KIF21A: variants seen among roughly 807,000 people sequenced by gnomAD.
KIF21A encodes kinesin-like protein KIF21A.
A neutral mutation model predicts 202.9 loss-of-function variants in KIF21A; 114 were observed. The ratio of observed to expected loss-of-function variants is 0.56; its 90% CI spans 0.48 to 0.66. The LOEUF (loss-of-function observed/expected upper bound fraction) is 0.66. KIF21A is among the 30% of genes least tolerant of loss of function. The pLI, the probability that KIF21A is intolerant of heterozygous loss-of-function variation, is 0.00. For synonymous variants in KIF21A, 667 were observed against 670.8 expected (o/e 0.99, Z 0.09); for missense variants, 1,677 against 1,994.9 (o/e 0.84, Z 3.04).
chr12:39,372,148 T>C (rs1408206302), intron 1 of KIF21A, among the ~76,000 whole-genome samples: 1 of 151,918 alleles, frequency 6.6e-6, no homozygotes, highest in East Asian at 1.9e-4. Flanking sequence ...CTCTTTCCAG[T>C]TCATTAAAAT....
intron 1 of KIF21A, among the ~76,000 whole-genome samples, chr12:39,419,979 G>A (rs921503077): frequency 6.6e-6 from 1 of 150,712 alleles, no homozygotes; most frequent in African/African-American, 2.4e-5. Context: ...TGAGAGTTCT[G>A]GGAAAATCTG....
At chr12:39,440,977 G>A (rs940093607) in intron 1 of KIF21A, among the ~76,000 whole-genome samples, 1 of 151,668 alleles carries the variant, frequency 6.6e-6, no homozygotes, top group Admixed American at 6.6e-5. Flanking sequence ...ATGGCACCAC[G>A]ACACTCTAGC....
At chr12:39,306,522 G>A (rs911027668) in intron 34 of KIF21A, among the ~76,000 whole-genome samples, 1 of 151,988 alleles carries the variant, frequency 6.6e-6, no homozygotes, top group Non-Finnish European at 1.5e-5. Context: ...TATTTTGCCA[G>A]TCATACTTTA....
intron 24 of KIF21A, among the ~76,000 whole-genome samples, chr12:39,328,994 A>T (rs1484866985): frequency 1.3e-5 from 2 of 152,260 alleles, no homozygotes; most frequent in Admixed American, 1.3e-4. Context: ...TCAGTAGGGC[A>T]TCAAGTCCAT....
At chr12:39,331,597 T>C (rs1190329807) in intron 22 of KIF21A, 93 bp downstream of exon 22, 6 of 853,506 alleles carry the variant, frequency 7.0e-6, no homozygotes, top group African/African-American at 6.6e-5. Context: ...TTCTTCCTTA[T>C]TACAAAGCAA....
At chr12:39,349,581 C>T (rs1948196779) in intron 11 of KIF21A, among the ~76,000 whole-genome samples, 1 of 152,022 alleles carries the variant, frequency 6.6e-6, no homozygotes, top group Non-Finnish European at 1.5e-5. Flanking sequence ...TTATTGTATG[C>T]TGGTTCTTTA....
intron 1 of KIF21A, among the ~76,000 whole-genome samples, chr12:39,418,950 C>A (rs775235564): frequency 1.2e-4 from 18 of 152,186 alleles, no homozygotes; most frequent in Non-Finnish European, 2.5e-4. Context: ...TGTTCAATTA[C>A]AGTTTCTCAA....
chr12:39,299,851 CAG>C (rs1380475366), intron 37 of KIF21A, among the ~76,000 whole-genome samples: 1 of 152,010 alleles, frequency 6.6e-6, no homozygotes, highest in Non-Finnish European at 1.5e-5. Flanking sequence ...AATGCAGAAA[CAG>C]AGAACCAAAT....
At chr12:39,428,513 C>A (rs1954936276) in intron 1 of KIF21A, among the ~76,000 whole-genome samples, 1 of 152,090 alleles carries the variant, frequency 6.6e-6, no homozygotes, top group Non-Finnish European at 1.5e-5. Context: ...AACAGAGTCA[C>A]AAATAATTGT....
At position 39,416,504 on chromosome 12, in the gene KIF21A, G is replaced by A. The variant is rs1016409051; in HGVS notation, c.44+26423C>T. Among the ~76,000 whole-genome samples, 11 of 151,690 alleles carry A rather than the reference G, an allele frequency of 7.3e-5. No homozygotes were observed. In the South Asian group the frequency reaches 1.7e-3, roughly 23 times the overall value. ...CCAGCTACTCAGGAGGCCGAGGCAG[G>A]AGAATCGCTTGAACCCGGGAGGTGG... On this transcript the variant is annotated intron_variant, in intron 1 of 37. Transcript: ENST00000361418.
intron 1 of KIF21A, among the ~76,000 whole-genome samples, chr12:39,384,976 T>A (rs1273593524): frequency 1.3e-5 from 2 of 152,120 alleles, no homozygotes; most frequent in Non-Finnish European, 2.9e-5. Context: ...ACTTGAAAAC[T>A]ACCAGGAGAA....
intron 10 of KIF21A, among the ~76,000 whole-genome samples, chr12:39,354,215 TTAAA>T (rs1220239969): frequency 1.3e-5 from 2 of 152,104 alleles, no homozygotes; most frequent in South Asian, 2.1e-4. Flanking sequence ...CAGCACAGAG[TTAAA>T]TAAGTGAATT....
chr12:39,340,248 C>A lies in KIF21A; in HGVS notation c.2227G>T (p.Ala743Ser). Reference protein sequence around the residue: ...QRLQAAQKEHARLLKNQSQYE... With the variant: ...QRLQAAQKEHSRLLKNQSQYE... Reference sequence around the variant, plus strand: ...TGAGACTGATTTTTAAGCAACCTTGCATGTTCTTTTTGAGCTGCTTGAAGT... The same window carrying A: ...TGAGACTGATTTTTAAGCAACCTTGAATGTTCTTTTTGAGCTGCTTGAAGT... Residue 743 changes from alanine (A) to serine (S), a missense_variant, in exon 16 of 38, where the codon GCA (alanine) becomes TCA (serine). Physicochemically the swap from Ala to Ser is moderately conservative, Grantham distance 99. Coordinates refer to ENST00000361418, the MANE Select transcript of KIF21A (RefSeq NM_001173464.2). 6.2e-7 allele frequency: 1 copy of A among 1,613,238 alleles called. No individual in the cohort carries two copies. The highest frequency in any genetic ancestry group is 8.5e-7 in the Non-Finnish European group (1 of 1,179,614).
Position 39,358,352 on chromosome 12 carries a change from A to T in KIF21A, c.1041T>A (p.Cys347Ter). The T allele has an allele frequency of 6.2e-7, 1 of 1,614,114 alleles. No individual in the cohort carries two copies. Among genetic ancestry groups the T allele is most frequent in the Non-Finnish European group, 8.5e-7 (1 of 1,179,962 alleles). Residue 347 changes from cysteine to a stop codon, truncating the protein, a stop_gained, in exon 8 of 38, where the codon TGT becomes TGA. Coordinates refer to ENST00000361418, the MANE Select transcript of KIF21A (RefSeq NM_001173464.2). LOFTEE classifies it high-confidence loss of function. Reference sequence around the variant, plus strand: ...TAAAGTCTCTGTCTGAAGGGCTGACACATGCTATCATGATTGTTTGGCTGA... The same window carrying T: ...TAAAGTCTCTGTCTGAAGGGCTGACTCATGCTATCATGATTGTTTGGCTGA... ...GGNSQTIMIA[C>*]VSPSDRDFME...
chr12:39,365,692 G>T (rs1410747550), intron 6 of KIF21A, among the ~76,000 whole-genome samples: 1 of 152,180 alleles, frequency 6.6e-6, no homozygotes, highest in African/African-American at 2.4e-5. Context: ...TACTTTGAAG[G>T]TCTTCACCCA....
chr12:39,441,660 T>TAAAAAAAAAAAAAAAA (rs56245570), intron 1 of KIF21A, among the ~76,000 whole-genome samples: 620 of 37,718 alleles, frequency 0.016, 149 homozygotes, highest in African/African-American at 0.053. Flanking sequence ...CCCTGGGTGG[T>TAAAAAAAAAAAAAAAA]AAAAAAAAAA....
intron 1 of KIF21A, among the ~76,000 whole-genome samples, chr12:39,430,041 A>T (rs1937642289): frequency 6.6e-6 from 1 of 152,164 alleles, no homozygotes; most frequent in Non-Finnish European, 1.5e-5. Context: ...CTGAACTCAA[A>T]TATTTGTGAT....
chr12:39,386,778 T>C lies in KIF21A; in HGVS notation c.45-16517A>G, dbSNP rs1335066062. ...AGTCCACACCACATACAGCTTGAAATCTAAGTTGACTTTACCATGGGGCTT... is the reference window on the plus strand; with the variant it reads ...AGTCCACACCACATACAGCTTGAAACCTAAGTTGACTTTACCATGGGGCTT... On this transcript the variant is annotated intron_variant, in intron 1 of 37. Transcript: ENST00000361418. Among the ~76,000 whole-genome samples the C allele has an allele frequency of 4.6e-5, 7 of 152,254 alleles. No individual in the cohort carries two copies. In the East Asian group the frequency reaches 1.4e-3, roughly 29 times the overall value.
Position 39,332,956 on chromosome 12 carries a change from T to C in KIF21A, c.2639A>G (p.Gln880Arg). ...ETDASRTGAQ[Q>R]KMRIPVARVQ... ...TCTCGCCACAGGAATTCTCATTTTC[T>C]GCTGGGCTCCTGTCCTTGATGCATC... Residue 880 changes from glutamine (Q) to arginine (R), a missense_variant, in exon 19 of 38, where the codon CAG becomes CGG. Coordinates refer to ENST00000361418, the MANE Select transcript of KIF21A (RefSeq NM_001173464.2). 3.7e-6 allele frequency: 6 copies of C among 1,614,184 alleles called. No individual in the cohort carries two copies. The highest frequency in any genetic ancestry group is 3.3e-4 in the Middle Eastern group (2 of 6,062).
Sources: gnomAD v4.1 joint callset for allele counts (sites outside exome capture counted in the v4.1 genomes callset) on GRCh38, gnomAD v4.1.1 for gene constraint, MANE v1.5 for transcripts, NCBI Gene and HGNC (gene_info 2026-07-23, HGNC 2026-07-21) for gene names.